CWC15: variants seen among roughly 807,000 people sequenced by gnomAD.
The protein encoded by CWC15 is spliceosome-associated protein CWC15 homolog.
CWC15 carries 12 observed loss-of-function variants against 28.4 expected under a neutral mutation model. The ratio of observed to expected loss-of-function variants is 0.42; its 90% confidence interval spans 0.27 to 0.69. The LOEUF is 0.69. CWC15 is among the 30% of genes least tolerant of loss of function. The probability of loss-of-function intolerance (pLI) is 0.23; values close to 1 mark genes in which losing one functional copy is unlikely to be tolerated. For missense variants in CWC15, 192 were observed against 271.5 expected, an observed-to-expected ratio of 0.71 and a Z score of 2.06; for synonymous variants, 92 against 88.4, an observed-to-expected ratio of 1.04 and a Z score of -0.23.
Position 94,963,241 on chromosome 11 carries a change from G to C in CWC15, c.*144C>G. 1 of 550,878 alleles carries C rather than the reference G, an allele frequency of 1.8e-6. No homozygotes were observed. Among genetic ancestry groups the C allele is most frequent in the Non-Finnish European group, 3.0e-6 (1 of 335,496 alleles). The allele number at this position is 550,878 out of a possible 1,614,324, so 34.1% of individuals were successfully genotyped here. On this transcript the variant is annotated 3_prime_UTR_variant, in exon 7 of 7. Transcript: ENST00000279839. The stretch of plus-strand genomic sequence containing the variant: ...ATTCCCAAGTCCATTATCAAGTAAG[G>C]TATCACTAAAGAAAAAGATAGGAGT...
chr11:94,966,981 A>G (rs1857655104), intron 5 of CWC15, among the ~76,000 whole-genome samples: 1 of 152,148 alleles, frequency 6.6e-6, no homozygotes, highest in African/African-American at 2.4e-5. Context: ...AATTATATCC[A>G]GTTAACATGA....
chr11:94,967,974 G>T (rs1857668759), intron 5 of CWC15, among the ~76,000 whole-genome samples: 1 of 152,214 alleles, frequency 6.6e-6, no homozygotes, highest in South Asian at 2.1e-4. Context: ...TTTATGTTTG[G>T]AATATTATTT....
chr11:94,965,100 T>C (rs1192238380), intron 6 of CWC15, among the ~76,000 whole-genome samples: 1 of 152,162 alleles, frequency 6.6e-6, no homozygotes, highest in East Asian at 1.9e-4. Context: ...CAGGTAGCAG[T>C]AATGCATCAC....
chr11:94,963,260 T>A lies in CWC15; in HGVS notation c.*125A>T. 1 of 665,412 alleles carries A rather than the reference T, an allele frequency of 1.5e-6. No homozygotes were observed. 41.2% of individuals were successfully genotyped at this position (665,412 alleles called of 1,614,324 possible). A position where few individuals can be genotyped will look rare whatever the true frequency, so the allele number is the denominator to read the frequency against. Reference sequence around the variant, plus strand: ...AGTAAGGTATCACTAAAGAAAAAGATAGGAGTTTAAAACTGGGGAAGCCCA... The same window carrying A: ...AGTAAGGTATCACTAAAGAAAAAGAAAGGAGTTTAAAACTGGGGAAGCCCA... On this transcript the variant is annotated 3_prime_UTR_variant, in exon 7 of 7. Coordinates refer to ENST00000279839, the MANE Select transcript of CWC15 (RefSeq NM_016403.4).
intron 5 of CWC15, among the ~76,000 whole-genome samples, chr11:94,968,103 T>C (rs1471027367): frequency 6.6e-6 from 1 of 152,238 alleles, no homozygotes; most frequent in Non-Finnish European, 1.5e-5. Flanking sequence ...TCAGATGGCA[T>C]GTAGGTCAAA....
intron 6 of CWC15, among the ~76,000 whole-genome samples, chr11:94,965,049 G>C (rs958767934): frequency 5.3e-5 from 8 of 152,190 alleles, no homozygotes; most frequent in Non-Finnish European, 1.0e-4. Flanking sequence ...ACTCCAGAGG[G>C]GAAAGCGGTC....
At chr11:94,964,140 A>G (rs1252053882) in intron 6 of CWC15, among the ~76,000 whole-genome samples, 1 of 152,164 alleles carries the variant, frequency 6.6e-6, no homozygotes, top group Non-Finnish European at 1.5e-5. Context: ...AAAAACACCC[A>G]TAAATAAGTT....
At chr11:94,972,023 T>C in intron 2 of CWC15, 32 bp downstream of exon 2, 1 of 1,593,726 alleles carries the variant, frequency 6.3e-7, no homozygotes, top group Non-Finnish European at 8.6e-7. Flanking sequence ...TGGTCTTGTT[T>C]TGTGAACAAT....
At chr11:94,969,880 C>T (rs372130018) in intron 5 of CWC15, 109 bp downstream of exon 5, 1 of 531,088 alleles carries the variant, frequency 1.9e-6, no homozygotes, top group East Asian at 3.3e-5. Context: ...AATATTTAGA[C>T]ACGGTAAAGG....
chr11:94,970,073 T>G lies in CWC15; in HGVS notation c.357A>C (p.Glu119Asp). The G allele has an allele frequency of 3.2e-6, 5 of 1,549,742 alleles. No homozygotes were observed. The highest frequency in any genetic ancestry group is 4.4e-6 in the Non-Finnish European group (5 of 1,142,848). ...CTGCAGTATCATCATCATCACTTTC[T>G]TCTTCAAAATCTTCATCTTCCTCCT... The part of the protein sequence containing the change: ...LTDEEDEDFE[E>D]ESDDDDTAAL... Residue 119 changes from glutamate (E) to aspartate (D), a missense_variant, in exon 5 of 7, where the codon GAA (glutamate) becomes GAC (aspartate). By Grantham distance (45) the Glu-to-Asp change is conservative (BLOSUM62 2). Coordinates refer to ENST00000279839, the MANE Select transcript of CWC15 (RefSeq NM_016403.4).
chr11:94,966,226 TACACACACACACACACACACACAC>T (rs58215154), intron 6 of CWC15, 45 bp downstream of exon 6: 20 of 670,734 alleles, frequency 3.0e-5, no homozygotes, highest in African/African-American at 2.7e-4. Context: ...CATACACATA[TACACACACACACACACACACACAC>T]ACACACACAC....
At chr11:94,969,295 A>G (rs1209848258) in intron 5 of CWC15, among the ~76,000 whole-genome samples, 2 of 152,178 alleles carry the variant, frequency 1.3e-5, no homozygotes, top group South Asian at 2.1e-4. Context: ...TTTTTTTCCA[A>G]TCCATCCTCC....
In CWC15 at chr11:94,971,442, G is replaced by A. The variant is rs1555096221; in HGVS notation, c.177C>T (p.Phe59=). The A allele has an allele frequency of 1.2e-6, 2 of 1,612,640 alleles. No homozygotes were observed. The highest frequency in any genetic ancestry group is 8.5e-7 in the Non-Finnish European group (1 of 1,179,300). ...DAPEEVRNRD[F]RRELEERERA... is the part of the protein sequence containing the mutation. ...TCTCTCTTTCTTCCAACTCTCTCCT[G>A]AAGTCACGGTTACGAACCTCTTCAG... The change falls in exon 3 of 7, where the codon TTC becomes TTT. Residue 59 remains phenylalanine, a synonymous_variant. Coordinates refer to ENST00000279839, the MANE Select transcript of CWC15 (RefSeq NM_016403.4).
chr11:94,965,462 G>A (rs931642479), intron 6 of CWC15, among the ~76,000 whole-genome samples: 5 of 152,146 alleles, frequency 3.3e-5, no homozygotes, highest in African/African-American at 9.7e-5. Context: ...ACACTGTACA[G>A]AATTTAAAAA....
chr11:94,966,813 A>G (rs1565413258), intron 5 of CWC15, among the ~76,000 whole-genome samples: 1 of 152,098 alleles, frequency 6.6e-6, no homozygotes, highest in Non-Finnish European at 1.5e-5. Flanking sequence ...AGACACATTT[A>G]GCAAAACTAT....
In CWC15 at chr11:94,972,186, C is replaced by A. The variant is rs782580087; in HGVS notation, c.-1G>T. The A allele has an allele frequency of 1.2e-5, 19 of 1,610,580 alleles. No homozygotes were observed. Among genetic ancestry groups the A allele is most frequent in the Non-Finnish European group, 1.6e-5 (19 of 1,179,032 alleles). Reference sequence around the variant, plus strand: ...AGGTTGGCCTGGCTGCTGTTGTCATCTTTTATGCTTTGAAGAAAAATATAA... The same window carrying A: ...AGGTTGGCCTGGCTGCTGTTGTCATATTTTATGCTTTGAAGAAAAATATAA... On this transcript the variant is annotated 5_prime_UTR_variant, in exon 2 of 7. Transcript: ENST00000279839.
intron 5 of CWC15, among the ~76,000 whole-genome samples, chr11:94,968,645 C>T (rs1265088961): frequency 6.6e-6 from 1 of 152,200 alleles, no homozygotes; most frequent in Non-Finnish European, 1.5e-5. Context: ...TAAGCTATTA[C>T]AGGAATTATG....
At chr11:94,965,258 G>A (rs1000547672) in intron 6 of CWC15, among the ~76,000 whole-genome samples, 7 of 152,222 alleles carry the variant, frequency 4.6e-5, no homozygotes, top group South Asian at 2.1e-4. Flanking sequence ...GAAAAATAAC[G>A]AATATGGTTT....
chr11:94,967,325 C>T (rs1162713035), intron 5 of CWC15, among the ~76,000 whole-genome samples: 1 of 152,204 alleles, frequency 6.6e-6, no homozygotes, highest in Non-Finnish European at 1.5e-5. Context: ...CGTGCCCGGC[C>T]TCAGTTTCTA....
Sources: allele counts gnomAD v4.1 joint callset (sites outside exome capture counted in the v4.1 genomes callset), GRCh38; gene constraint gnomAD v4.1.1; transcripts MANE v1.5; gene names NCBI Gene and HGNC (gene_info 2026-07-23, HGNC 2026-07-21).